The following TOR1AIP1 variants were observed in gnomAD, a reference collection of about 807,000 sequenced individuals.
TOR1AIP1 encodes torsin 1A interacting protein 1, also known as torsin-1A-interacting protein 1.
TOR1AIP1 carries 54 observed loss-of-function variants against 63.3 expected under a neutral mutation model. The ratio of observed to expected loss-of-function variants is 0.85; its 90% CI spans 0.69 to 1.07. TOR1AIP1 has a LOEUF of 1.07. Ranked by LOEUF, TOR1AIP1 falls within the 50% of genes least tolerant of loss-of-function variation. The pLI is 0.00. For missense variants in TOR1AIP1, 736 were observed against 715.0 expected (o/e 1.03, Z -0.33); for synonymous variants, 294 against 273.5 (o/e 1.07, Z -0.74).
chr1:179,902,543 G>A (rs1648501879), intron 5 of TOR1AIP1, among the ~76,000 whole-genome samples: 3 of 152,170 alleles, frequency 2.0e-5, no homozygotes. Flanking sequence ...GTGGGCCACC[G>A]TGCCTGGCAT....
At chr1:179,884,938 T>C (rs949072769) in intron 2 of TOR1AIP1, among the ~76,000 whole-genome samples, 169 bp downstream of exon 2, 3 of 152,224 alleles carry the variant, frequency 2.0e-5, no homozygotes, top group African/African-American at 7.2e-5. Flanking sequence ...ACCAATTTCA[T>C]AGAAGAGAAA....
At chr1:179,892,924 A>G (rs1414239781) in intron 3 of TOR1AIP1, among the ~76,000 whole-genome samples, 4 of 152,240 alleles carry the variant, frequency 2.6e-5, no homozygotes, top group South Asian at 2.1e-4. Flanking sequence ...TTTTCATTTT[A>G]AAGTAATTTT....
At chr1:179,889,242 G>A in intron 2 of TOR1AIP1, 71 bp from the exon 3 acceptor site, 1 of 1,219,192 alleles carries the variant, frequency 8.2e-7, no homozygotes, top group Non-Finnish European at 1.2e-6. Flanking sequence ...AATAAGGGAT[G>A]ATCATGTAAT....
chr1:179,884,906 A>T, intron 2 of TOR1AIP1, 137 bp downstream of exon 2: 1 of 578,772 alleles, frequency 1.7e-6, no homozygotes, highest in South Asian at 2.5e-5. Flanking sequence ...CCACCCATAT[A>T]ACCTTGTAAG....
rs1002567247 is a variant in TOR1AIP1, at chr1:179,906,741, C to A, written c.797-1082C>A. Among the ~76,000 whole-genome samples, 83 of 140,096 alleles carry A rather than the reference C, an allele frequency of 5.9e-4. 1 individual carries two copies. The highest frequency in any genetic ancestry group is 2.0e-3 in the African/African-American group (75 of 37,876). 91.9% of individuals were successfully genotyped at this position (140,096 alleles called of 152,430 possible). A position where few individuals can be genotyped will look rare whatever the true frequency, so the allele number is the denominator to read the frequency against. ...AATTACCAATTTTGGTTCCCCCCCC[C>A]CCTTTTTTTTTTTTGAGACAGAGTC... On this transcript the variant is annotated intron_variant, in intron 6 of 9. Transcript: ENST00000606911.
In TOR1AIP1 at chr1:179,899,913, G is replaced by A. The variant is rs140923520; in HGVS notation, c.611-213G>A. Among the ~76,000 whole-genome samples, 603 of 152,320 alleles carry A rather than the reference G, an allele frequency of 4.0e-3. 4 individuals are homozygous for A. Among genetic ancestry groups the A allele is most frequent in the African/African-American group, 0.013 (559 of 41,566 alleles). On this transcript the variant is annotated intron_variant, in intron 3 of 9. Coordinates refer to ENST00000606911, the MANE Select transcript of TOR1AIP1 (RefSeq NM_015602.4). ...ACCCACCTCGGCCTCCCAAAGTGCCGGGATTATAGGCGTGAGCCACTGCAC... is the reference window on the plus strand; with the variant it reads ...ACCCACCTCGGCCTCCCAAAGTGCCAGGATTATAGGCGTGAGCCACTGCAC...
chr1:179,912,887 T>C (rs1393784852), intron 8 of TOR1AIP1, among the ~76,000 whole-genome samples: 2 of 152,182 alleles, frequency 1.3e-5, no homozygotes, highest in Non-Finnish European at 2.9e-5. Flanking sequence ...GTTGTTGATA[T>C]AACGCTAAGA....
rs752932511 is a variant in TOR1AIP1 at position 179,882,705 on chromosome 1, G to C, written c.203G>C (p.Gly68Ala). 5 of 1,612,844 alleles carry C rather than the reference G, an allele frequency of 3.1e-6. No individual in the cohort carries two copies. In the East Asian group the frequency reaches 8.9e-5, roughly 29 times the overall value. ...RFSDEPPEVY[G>A]DFEPLVAKER... ...TCGGACGAGCCGCCAGAAGTGTACG[G>C]CGACTTCGAGCCCCTGGTGGCCAAA... The change falls in exon 1 of 10, where the codon GGC becomes GCC. Residue 68 changes from glycine to alanine, a missense_variant. Coordinates refer to ENST00000606911, the MANE Select transcript of TOR1AIP1 (RefSeq NM_015602.4).
intron 3 of TOR1AIP1, among the ~76,000 whole-genome samples, chr1:179,889,600 A>G (rs1022427863): frequency 6.6e-6 from 1 of 151,598 alleles, no homozygotes; most frequent in Non-Finnish European, 1.5e-5. Context: ...GGATGAAATT[A>G]TCTTGTCCTT....
intron 8 of TOR1AIP1, 41 bp from the exon 9 acceptor site, chr1:179,913,957 A>G: frequency 6.5e-7 from 1 of 1,530,812 alleles, no homozygotes; most frequent in East Asian, 2.3e-5. Flanking sequence ...CAAATTATGA[A>G]GCATAAGTTG....
intron 9 of TOR1AIP1, among the ~76,000 whole-genome samples, chr1:179,914,776 G>C (rs1175844865): frequency 6.7e-6 from 1 of 149,414 alleles, no homozygotes; most frequent in Non-Finnish European, 1.5e-5. Context: ...CCTGGCAACA[G>C]AGCGAGACTC....
At position 179,919,649 on chromosome 1, in the gene TOR1AIP1, A is replaced by G. The variant is rs1276373000; in HGVS notation, c.*1410A>G. 1.3e-5 allele frequency: 2 copies of G among 152,222 alleles called. No homozygotes were observed. Among genetic ancestry groups the G allele is most frequent in the East Asian group, 1.9e-4 (1 of 5,202 alleles). The allele number at this position is 152,222 out of a possible 1,614,324, so 9.4% of individuals were successfully genotyped here. ...CTTAAAATGTTACAATTCTAGATCT[A>G]TCCACCTTGTTTTTTTATTGTCTAC... On this transcript the variant is annotated 3_prime_UTR_variant, in exon 10 of 10. Coordinates refer to ENST00000606911, the MANE Select transcript of TOR1AIP1 (RefSeq NM_015602.4).
intron 3 of TOR1AIP1, among the ~76,000 whole-genome samples, chr1:179,897,944 G>A (rs1322080575): frequency 2.0e-5 from 3 of 151,878 alleles, no homozygotes; most frequent in Non-Finnish European, 4.4e-5. Context: ...TCTACAAAAA[G>A]TATAAATATT....
At chr1:179,884,905 T>C (rs1377842429) in intron 2 of TOR1AIP1, 136 bp downstream of exon 2, 2 of 579,494 alleles carry the variant, frequency 3.5e-6, no homozygotes, top group Non-Finnish European at 5.9e-6. Context: ...GCCACCCATA[T>C]AACCTTGTAA....
At chr1:179,883,049 G>T in intron 1 of TOR1AIP1, 72 bp downstream of exon 1, 1 of 1,379,486 alleles carries the variant, frequency 7.2e-7, no homozygotes, top group Non-Finnish European at 1.0e-6. Context: ...CGCCTCGGTG[G>T]AGCTCATGCC....
intron 3 of TOR1AIP1, among the ~76,000 whole-genome samples, chr1:179,894,119 C>T (rs1040348105): frequency 3.3e-5 from 5 of 151,592 alleles, no homozygotes; most frequent in Admixed American, 6.6e-5. Context: ...GGCGCAGTGG[C>T]GGGCACCTGT....
intron 2 of TOR1AIP1, 127 bp from the exon 3 acceptor site, chr1:179,889,186 C>G: frequency 1.7e-6 from 1 of 599,072 alleles, no homozygotes; most frequent in South Asian, 4.5e-5. Context: ...AAGCTTGTCT[C>G]TACTTCTCTA....
At chr1:179,907,763 A>G (rs1338899148) in intron 6 of TOR1AIP1, 60 bp from the exon 7 acceptor site, 11 of 1,361,054 alleles carry the variant, frequency 8.1e-6, no homozygotes, top group Admixed American at 2.3e-5. Context: ...TGTCTGTGCA[A>G]CATCTTTTTT....
In TOR1AIP1 at chr1:179,900,151, C is replaced by T; in HGVS notation, c.636C>T (p.Val212=). ...RYEATSVQQK[V]NFSEEGETEE... is the part of the protein sequence containing the mutation. Reference sequence around the variant, plus strand: ...AAGCCACCAGTGTCCAACAGAAGGTCAATTTCTCTGAAGAAGGTATTTTAC... The same window carrying T: ...AAGCCACCAGTGTCCAACAGAAGGTTAATTTCTCTGAAGAAGGTATTTTAC... Residue 212 remains valine, a synonymous_variant, in exon 4 of 10, where the codon GTC becomes GTT. Transcript: ENST00000606911. The T allele has an allele frequency of 6.2e-7, 1 of 1,605,048 alleles. No homozygotes were observed. Among genetic ancestry groups the T allele is most frequent in the Non-Finnish European group, 8.5e-7 (1 of 1,174,340 alleles).
Sources: allele counts gnomAD v4.1 joint callset (sites outside exome capture counted in the v4.1 genomes callset), GRCh38; gene constraint gnomAD v4.1.1; transcripts MANE v1.5; gene names NCBI Gene and HGNC (gene_info 2026-07-23, HGNC 2026-07-21).